NBAS: variants seen among roughly 807,000 people sequenced by gnomAD.
NBAS encodes NAG/BC035112 fusion.
In NBAS, 219 loss-of-function variants were observed where a neutral mutation model predicts 302.5. That is an observed-to-expected ratio of 0.72 (90% CI 0.65 to 0.81). NBAS has a LOEUF of 0.81. NBAS is among the 30% of genes least tolerant of loss of function. NBAS has a pLI of 0.00. For missense variants in NBAS, 2,932 were observed against 2,841.6 expected (o/e 1.03, Z -0.72); for synonymous variants, 1,118 against 1,021.6 (o/e 1.09, Z -1.80).
the NBAS span, among the ~76,000 whole-genome samples, chr2:14,955,511 G>A: frequency 6.6e-6 from 1 of 152,236 alleles, no homozygotes; most frequent in Non-Finnish European, 1.5e-5. Context: ...CACTGCCCTA[G>A]CAGAGGTTCT....
chr2:14,984,300 C>A, the NBAS span, among the ~76,000 whole-genome samples: 1 of 152,158 alleles, frequency 6.6e-6, no homozygotes, highest in Non-Finnish European at 1.5e-5. Context: ...TCCTTATGGG[C>A]ACTGAGACCT....
At chr2:15,557,329 G>A (rs1447201568) in intron 2 of NBAS, among the ~76,000 whole-genome samples, 3 of 152,040 alleles carry the variant, frequency 2.0e-5, no homozygotes, top group Non-Finnish European at 4.4e-5. Flanking sequence ...GTGTACCTGT[G>A]TATGCAGTTA....
chr2:15,141,706 T>C, the NBAS span, among the ~76,000 whole-genome samples: 1 of 152,022 alleles, frequency 6.6e-6, no homozygotes. Flanking sequence ...TTTTGTTTTT[T>C]GTTTTTACCG....
chr2:14,883,927 G>C, the NBAS span, among the ~76,000 whole-genome samples: 1 of 150,974 alleles, frequency 6.6e-6, no homozygotes, highest in African/African-American at 2.4e-5. Context: ...AACCATGATT[G>C]CCTCACTGTA....
the NBAS span, among the ~76,000 whole-genome samples, chr2:15,063,847 C>A: frequency 5.3e-4 from 80 of 152,282 alleles, 1 homozygote; most frequent in African/African-American, 1.9e-3. Flanking sequence ...CCTCCAGAAT[C>A]ATGAGAAAAT....
At chr2:14,960,085 G>C in the NBAS span, among the ~76,000 whole-genome samples, 3 of 152,152 alleles carry the variant, frequency 2.0e-5, no homozygotes, top group African/African-American at 7.2e-5. Context: ...AAATGGATAT[G>C]ATTTTTAGGT....
chr2:14,995,274 T>C, the NBAS span, among the ~76,000 whole-genome samples: 2 of 152,060 alleles, frequency 1.3e-5, no homozygotes, highest in South Asian at 2.1e-4. Context: ...TGTGTTCTCA[T>C]TGTTCAATTC....
chr2:15,395,336 T>C (rs1457252365), intron 27 of NBAS, among the ~76,000 whole-genome samples: 1 of 152,108 alleles, frequency 6.6e-6, no homozygotes, highest in Non-Finnish European at 1.5e-5. Context: ...TGAATTTACA[T>C]TGACTCAACC....
rs545294648 is a variant in NBAS, at chr2:15,374,118, G to C, written c.3703+490C>G. Among the ~76,000 whole-genome samples, 79 of 152,234 alleles carry C rather than the reference G, an allele frequency of 5.2e-4. 1 individual carries two copies. The highest frequency in any genetic ancestry group is 1.8e-3 in the African/African-American group (75 of 41,536). On this transcript the variant is annotated intron_variant, in intron 31 of 51. Coordinates refer to ENST00000281513, the MANE Select transcript of NBAS (RefSeq NM_015909.4). ...GTTGAGTAATATTAAGATATCTCTAGTAATTAAATTCTAAACAAAAATTTC... is the reference window on the plus strand; with the variant it reads ...GTTGAGTAATATTAAGATATCTCTACTAATTAAATTCTAAACAAAAATTTC...
chr2:14,787,353 A>T, the NBAS span, among the ~76,000 whole-genome samples: 37 of 152,018 alleles, frequency 2.4e-4, no homozygotes, highest in Non-Finnish European at 5.9e-5. Flanking sequence ...TGTGAATTTG[A>T]TCCTGTCATT....
chr2:14,992,505 T>G, the NBAS span, among the ~76,000 whole-genome samples: 1 of 152,360 alleles, frequency 6.6e-6, no homozygotes, highest in East Asian at 1.9e-4. Context: ...ATGATTAAAA[T>G]ATACAGTCAC....
In NBAS at chr2:15,424,307, C is replaced by T; in HGVS notation, c.2577+8G>A. 1 of 1,614,006 alleles carries T rather than the reference C, an allele frequency of 6.2e-7. No individual in the cohort carries two copies. Among genetic ancestry groups the T allele is most frequent in the Non-Finnish European group, 8.5e-7 (1 of 1,179,900 alleles). On this transcript the variant is annotated splice_region_variant and intron_variant, in intron 23 of 51. Coordinates refer to ENST00000281513, the MANE Select transcript of NBAS (RefSeq NM_015909.4). ...CATTACTGAGCAGCAGCTGCCATTTCCCCTCACCTGCCGAGCATAATGCTC... is the reference window on the plus strand; with the variant it reads ...CATTACTGAGCAGCAGCTGCCATTTTCCCTCACCTGCCGAGCATAATGCTC...
chr2:14,856,958 G>A, the NBAS span, among the ~76,000 whole-genome samples: 2 of 152,126 alleles, frequency 1.3e-5, no homozygotes, highest in Admixed American at 6.5e-5. Context: ...TGAGAAATAA[G>A]CAAATTTAGT....
chr2:15,135,433 C>G, the NBAS span, among the ~76,000 whole-genome samples: 35 of 152,264 alleles, frequency 2.3e-4, no homozygotes, highest in East Asian at 6.2e-3. Flanking sequence ...GGCACTCAGT[C>G]ATCAGGCAGT....
chr2:15,455,939 C>T (rs1289867614), intron 21 of NBAS, among the ~76,000 whole-genome samples: 1 of 152,098 alleles, frequency 6.6e-6, no homozygotes, highest in Admixed American at 6.5e-5. Context: ...AAATACCCCA[C>T]TGCCAAAATG....
chr2:15,330,653 G>A lies in NBAS; in HGVS notation c.4292C>T (p.Ala1431Val), dbSNP rs1489014472. 6.2e-7 allele frequency: 1 copy of A among 1,614,050 alleles called. No homozygotes were observed. The highest frequency in any genetic ancestry group is 8.5e-7 in the Non-Finnish European group (1 of 1,179,964). ...TTTTTKAVLQ[A>V]VSDGQWWKKS... ...CTTCCACCACTGCCCATCACTGACG[G>A]CCTGCAGCACCGCTTTGGTGGTGGT... The change falls in exon 36 of 52, where the codon GCC (alanine) becomes GTC (valine). Residue 1431 changes from alanine to valine, a missense_variant. By Grantham distance (64) the Ala-to-Val change is moderately conservative (BLOSUM62 0). Coordinates refer to ENST00000281513, the MANE Select transcript of NBAS (RefSeq NM_015909.4).
the NBAS span, among the ~76,000 whole-genome samples, chr2:14,978,411 A>T: frequency 5.3e-5 from 8 of 152,222 alleles, no homozygotes; most frequent in Non-Finnish European, 1.2e-4. Context: ...TGAAGCTTAG[A>T]ACATATAATG....
intron 48 of NBAS, among the ~76,000 whole-genome samples, chr2:15,205,257 A>G (rs1183392622): frequency 2.6e-5 from 4 of 152,130 alleles, no homozygotes; most frequent in African/African-American, 7.2e-5. Flanking sequence ...TACAACAGAT[A>G]CACAAAAATA....
intron 51 of NBAS, among the ~76,000 whole-genome samples, chr2:15,169,789 A>G (rs1664209718): frequency 6.6e-6 from 1 of 151,938 alleles, no homozygotes; most frequent in African/African-American, 2.4e-5. Flanking sequence ...ATGAATACCC[A>G]AGTGAATGAA....
Sources: gnomAD v4.1 joint callset for allele counts (sites outside exome capture counted in the v4.1 genomes callset) on GRCh38, gnomAD v4.1.1 for gene constraint, MANE v1.5 for transcripts, NCBI Gene and HGNC (gene_info 2026-07-23, HGNC 2026-07-21) for gene names.